NRG3: variants seen among roughly 807,000 people sequenced by gnomAD.
The protein encoded by NRG3 is pro-neuregulin-3, membrane-bound isoform.
In NRG3, 31 loss-of-function variants were observed where a neutral mutation model predicts 66.9. The ratio of observed to expected loss-of-function variants is 0.46; its 90% CI spans 0.35 to 0.63. The LOEUF (loss-of-function observed/expected upper bound fraction) is 0.63, where lower values mean the gene tolerates loss of function less well. Among genes scored for constraint, NRG3 ranks in the 20% least tolerant of loss-of-function variants. The pLI, the probability that NRG3 is intolerant of heterozygous loss-of-function variation, is 0.00. For synonymous variants in NRG3, 393 were observed against 359.4 expected (o/e 1.09, Z -1.06); for missense variants, 910 against 878.9 (o/e 1.04, Z -0.45).
chr10:81,929,484 G>T (rs1847133004), intron 1 of NRG3, among the ~76,000 whole-genome samples: 1 of 152,148 alleles, frequency 6.6e-6, no homozygotes, highest in African/African-American at 2.4e-5. Flanking sequence ...GTTTTGCATG[G>T]TGTAGCTGGG....
chr10:82,353,298 G>A (rs1040578146), intron 1 of NRG3, among the ~76,000 whole-genome samples: 1 of 152,126 alleles, frequency 6.6e-6, no homozygotes, highest in Non-Finnish European at 1.5e-5. Context: ...TAATATTCAG[G>A]TTCAACTCAG....
intron 1 of NRG3, among the ~76,000 whole-genome samples, chr10:81,948,210 G>A (rs1229498783): frequency 6.6e-6 from 1 of 152,062 alleles, no homozygotes. Context: ...TTTTTAAGAT[G>A]ATTTTTAGAT....
rs150946173 is a variant in NRG3, at chr10:82,136,326, T to C, written c.824-222413T>C. On this transcript the variant is annotated intron_variant, in intron 1 of 8. Transcript: ENST00000372141. ...TCTCTCTCAAGGCCCACAGCAACCA[T>C]TGCCTGGCTCCCACCTATGTTCATT... 2.3e-3 allele frequency among the ~76,000 whole-genome samples: 344 copies of C among 152,282 alleles called. 4 individuals carry two copies. Among genetic ancestry groups the C allele is most frequent in the African/African-American group, 7.9e-3 (328 of 41,570 alleles).
At chr10:81,938,643 A>ATGTGTGTGTGTGTGTGTGT (rs1564674211) in intron 1 of NRG3, among the ~76,000 whole-genome samples, 1 of 145,718 alleles carries the variant, frequency 6.9e-6, no homozygotes, top group African/African-American at 2.6e-5. Context: ...GTGTGTGTGC[A>ATGTGTGTGTGTGTGTGTGT]TGCATGCATG....
intron 3 of NRG3, among the ~76,000 whole-genome samples, chr10:82,746,094 G>T (rs1269741984): frequency 1.3e-5 from 2 of 152,264 alleles, no homozygotes; most frequent in South Asian, 4.1e-4. Context: ...GTCTTGCTAT[G>T]TTGCCCAGGC....
chr10:81,985,790 A>G (rs2133514750), intron 1 of NRG3, among the ~76,000 whole-genome samples: 1 of 152,366 alleles, frequency 6.6e-6, no homozygotes, highest in African/African-American at 2.4e-5. Context: ...TGAGTGGGTC[A>G]TCAAATCAAT....
chr10:82,791,080 A>G (rs1266056068), intron 3 of NRG3, among the ~76,000 whole-genome samples: 3 of 151,994 alleles, frequency 2.0e-5, no homozygotes, highest in African/African-American at 7.2e-5. Flanking sequence ...TTTTATTAAC[A>G]TCAATATATG....
intron 2 of NRG3, among the ~76,000 whole-genome samples, chr10:82,549,401 A>G (rs2044153093): frequency 6.6e-6 from 1 of 152,200 alleles, no homozygotes; most frequent in South Asian, 2.1e-4. Context: ...TGGGTGAGAC[A>G]CGAAATGGTT....
At chr10:81,972,522 C>G (rs1189506419) in intron 1 of NRG3, among the ~76,000 whole-genome samples, 1 of 151,844 alleles carries the variant, frequency 6.6e-6, no homozygotes, top group Non-Finnish European at 1.5e-5. Context: ...AAAAAATACA[C>G]TAGATGAGAT....
At chr10:82,784,108 A>G (rs2060238638) in intron 3 of NRG3, among the ~76,000 whole-genome samples, 1 of 152,124 alleles carries the variant, frequency 6.6e-6, no homozygotes, top group Admixed American at 6.5e-5. Flanking sequence ...GCAATGGGGA[A>G]AGGATTCCCT....
intron 2 of NRG3, among the ~76,000 whole-genome samples, chr10:82,578,666 A>G (rs570393598): frequency 1.3e-5 from 2 of 151,700 alleles, no homozygotes; most frequent in Non-Finnish European, 2.9e-5. Context: ...TGACTCCTAA[A>G]TAGCTACGCT....
In NRG3 at chr10:82,599,206, A is replaced by C. The variant is rs533011080; in HGVS notation, c.954-139371A>C. 3.9e-5 allele frequency among the ~76,000 whole-genome samples: 6 copies of C among 152,360 alleles called. No individual in the cohort carries two copies. In the South Asian group the frequency reaches 1.2e-3, roughly 32 times the overall value. On this transcript the variant is annotated intron_variant, in intron 2 of 8. Transcript: ENST00000372141. The stretch of plus-strand genomic sequence containing the variant: ...CAGAAGGAGACAAGGCCAGTTATAC[A>C]TATGGGAGGACAAAAGTGAATATGT...
At chr10:82,885,008 T>C (rs1842611655) in intron 4 of NRG3, among the ~76,000 whole-genome samples, 1 of 152,218 alleles carries the variant, frequency 6.6e-6, no homozygotes, top group Non-Finnish European at 1.5e-5. Context: ...CCCTTATTTA[T>C]TGTTTGCTGT....
chr10:82,805,880 A>G (rs1467340785), intron 3 of NRG3, among the ~76,000 whole-genome samples: 1 of 152,198 alleles, frequency 6.6e-6, no homozygotes, highest in Non-Finnish European at 1.5e-5. Context: ...GGCCTGTTCC[A>G]AAGACTTCTT....
intron 1 of NRG3, among the ~76,000 whole-genome samples, chr10:82,121,573 G>T (rs967410397): frequency 4.6e-5 from 7 of 152,120 alleles, no homozygotes; most frequent in African/African-American, 1.4e-4. Flanking sequence ...ACATTGCATC[G>T]TTTGAACTTT....
intron 2 of NRG3, among the ~76,000 whole-genome samples, chr10:82,638,549 G>A (rs1362174230): frequency 2.6e-5 from 4 of 152,106 alleles, no homozygotes; most frequent in Non-Finnish European, 5.9e-5. Flanking sequence ...CCAAATTATG[G>A]CAAGGACTGG....
intron 1 of NRG3, among the ~76,000 whole-genome samples, chr10:82,293,052 T>C (rs145869418): frequency 2.8e-3 from 433 of 152,242 alleles, no homozygotes; most frequent in African/African-American, 9.7e-3. Context: ...TATCTCAAAA[T>C]AAAAAATTGA....
chr10:82,231,408 TA>T (rs2076455114), intron 1 of NRG3, among the ~76,000 whole-genome samples: 1 of 150,222 alleles, frequency 6.7e-6, no homozygotes, highest in African/African-American at 2.5e-5. Context: ...AAAAAGGTAA[TA>T]GAAAAACATG....
intron 4 of NRG3, among the ~76,000 whole-genome samples, chr10:82,891,191 A>G (rs1394130683): frequency 6.6e-6 from 1 of 151,544 alleles, no homozygotes; most frequent in Admixed American, 6.6e-5. Flanking sequence ...TTTTATGAAG[A>G]TTATGTTAAA....
Sources: allele counts gnomAD v4.1 joint callset (sites outside exome capture counted in the v4.1 genomes callset), GRCh38; gene constraint gnomAD v4.1.1; transcripts MANE v1.5; gene names NCBI Gene and HGNC (gene_info 2026-07-23, HGNC 2026-07-21).